Variants in MDGA2 observed in about 807,000 individuals in gnomAD.
MDGA2 encodes the protein MAM domain containing glycosylphosphatidylinositol anchor 2, also known as MAM domain-containing glycosylphosphatidylinositol anchor protein 2.
Under a neutral mutation model 117.8 loss-of-function variants are expected in MDGA2, and 40 were observed. The observed-to-expected ratio is 0.34, with a 90% confidence interval of 0.26 to 0.44. The LOEUF is 0.44. Among genes scored for constraint, MDGA2 ranks in the 20% least tolerant of loss-of-function variants. The pLI is 1.00. For synonymous variants in MDGA2, 452 were observed against 439.0 expected (o/e 1.03, Z -0.37); for missense variants, 1,123 against 1,250.6 (o/e 0.90, Z 1.54).
intron 8 of MDGA2, among the ~76,000 whole-genome samples, chr14:46,967,738 T>G (rs1173682855): frequency 6.6e-6 from 1 of 152,218 alleles, no homozygotes; most frequent in African/African-American, 2.4e-5. Context: ...CAGATAGTAC[T>G]GAACACTATA....
chr14:47,065,916 C>G (rs1206032402), intron 6 of MDGA2, among the ~76,000 whole-genome samples: 1 of 152,132 alleles, frequency 6.6e-6, no homozygotes, highest in Non-Finnish European at 1.5e-5. Flanking sequence ...AAAGGACTGA[C>G]AAAACCTTGT....
chr14:47,261,673 T>C (rs886847402), intron 2 of MDGA2, among the ~76,000 whole-genome samples: 1 of 152,162 alleles, frequency 6.6e-6, no homozygotes, highest in Non-Finnish European at 1.5e-5. Flanking sequence ...CTTTACACTT[T>C]ATGCTATTTT....
intron 2 of MDGA2, among the ~76,000 whole-genome samples, chr14:47,247,778 A>G (rs1368795255): frequency 6.6e-6 from 1 of 151,218 alleles, no homozygotes; most frequent in Admixed American, 6.6e-5. Flanking sequence ...TTCTCCTAAT[A>G]CTAACCCTCT....
chr14:47,131,512 A>G (rs1882202188), intron 5 of MDGA2, among the ~76,000 whole-genome samples: 2 of 152,006 alleles, frequency 1.3e-5, no homozygotes. Flanking sequence ...ATACACGTAA[A>G]CATATTACAT....
chr14:47,447,246 T>C (rs2138561828), intron 1 of MDGA2, among the ~76,000 whole-genome samples: 1 of 152,290 alleles, frequency 6.6e-6, no homozygotes, highest in Non-Finnish European at 1.5e-5. Flanking sequence ...TTGGTACTGC[T>C]AGCCTGGGAA....
chr14:47,146,798 T>C (rs1211283589), intron 3 of MDGA2, among the ~76,000 whole-genome samples: 1 of 152,150 alleles, frequency 6.6e-6, no homozygotes, highest in African/African-American at 2.4e-5. Context: ...GTTAATAGGT[T>C]TGTACTTTCC....
intron 14 of MDGA2, among the ~76,000 whole-genome samples, chr14:46,872,925 TTGTATGC>T (rs1189131320): frequency 6.6e-6 from 1 of 151,906 alleles, no homozygotes; most frequent in Admixed American, 6.6e-5. Flanking sequence ...GTCTTTATCT[TTGTATGC>T]TGTGCAGGAC....
chr14:47,215,105 C>A (rs1886037795), intron 3 of MDGA2, among the ~76,000 whole-genome samples: 1 of 152,058 alleles, frequency 6.6e-6, no homozygotes, highest in African/African-American at 2.4e-5. Context: ...GAAAGTTCCA[C>A]ATGTGAAATC....
At chr14:46,862,938 C>T (rs1881570941) in intron 14 of MDGA2, among the ~76,000 whole-genome samples, 1 of 151,992 alleles carries the variant, frequency 6.6e-6, no homozygotes, top group Non-Finnish European at 1.5e-5. Flanking sequence ...TTATTTTCTA[C>T]AGTTATTACC....
chr14:47,154,619 C>T (rs1207479115), intron 3 of MDGA2, among the ~76,000 whole-genome samples: 1 of 151,404 alleles, frequency 6.6e-6, no homozygotes, highest in Non-Finnish European at 1.5e-5. Context: ...AGCCCAAGCG[C>T]TGTCAAGACC....
At chr14:47,028,943 C>A (rs980098886) in intron 8 of MDGA2, among the ~76,000 whole-genome samples, 1 of 151,994 alleles carries the variant, frequency 6.6e-6, no homozygotes, top group African/African-American at 2.4e-5. Context: ...TCAATAATTA[C>A]CTTGTCTTTG....
chr14:47,171,311 C>T (rs1163646220), intron 3 of MDGA2, among the ~76,000 whole-genome samples: 1 of 151,854 alleles, frequency 6.6e-6, no homozygotes, highest in Non-Finnish European at 1.5e-5. Flanking sequence ...AAGGCCCAAA[C>T]ATAATGAATA....
At chr14:47,482,846 A>G (rs541733973) in intron 1 of MDGA2, among the ~76,000 whole-genome samples, 1 of 151,916 alleles carries the variant, frequency 6.6e-6, no homozygotes, top group African/African-American at 2.4e-5. Context: ...CAGATTCTAG[A>G]TATATTCTAA....
intron 5 of MDGA2, among the ~76,000 whole-genome samples, chr14:47,122,415 G>C (rs1881700400): frequency 6.6e-6 from 1 of 151,912 alleles, no homozygotes; most frequent in African/African-American, 2.4e-5. Context: ...GTTTTGTTTT[G>C]GGGGGACTAT....
At chr14:47,016,811 T>C (rs1257800122) in intron 8 of MDGA2, among the ~76,000 whole-genome samples, 2 of 152,084 alleles carry the variant, frequency 1.3e-5, no homozygotes, top group East Asian at 3.8e-4. Context: ...AACTCTGTTT[T>C]CTTTGTTAAT....
At chr14:47,606,864 C>G (rs1381547330) in intron 1 of MDGA2, among the ~76,000 whole-genome samples, 2 of 152,114 alleles carry the variant, frequency 1.3e-5, no homozygotes, top group East Asian at 3.9e-4. Context: ...ACTGCTTAAA[C>G]TTTGCCATTT....
chr14:47,133,987 T>C (rs1397852089), intron 4 of MDGA2, among the ~76,000 whole-genome samples: 1 of 152,076 alleles, frequency 6.6e-6, no homozygotes, highest in Non-Finnish European at 1.5e-5. Flanking sequence ...TCAGCTTTAT[T>C]GAAGTATAAT....
At chr14:47,079,547 C>T (rs1008207854) in intron 6 of MDGA2, among the ~76,000 whole-genome samples, 1 of 151,850 alleles carries the variant, frequency 6.6e-6, no homozygotes, top group East Asian at 1.9e-4. Context: ...TAAAATTTGG[C>T]AAAAATTTTA....
At chr14:47,026,096 C>CA (rs1374028723) in intron 8 of MDGA2, among the ~76,000 whole-genome samples, 1 of 151,784 alleles carries the variant, frequency 6.6e-6, no homozygotes, top group Admixed American at 6.6e-5. Flanking sequence ...TATGCAAAAC[C>CA]AAAAAATGTG....
Sources: allele counts gnomAD v4.1 joint callset (sites outside exome capture counted in the v4.1 genomes callset), GRCh38; gene constraint gnomAD v4.1.1; transcripts MANE v1.5; gene names NCBI Gene and HGNC (gene_info 2026-07-23, HGNC 2026-07-21).